The following ELMO1 variants were observed in gnomAD, a reference collection of about 807,000 sequenced individuals.
ELMO1 encodes the protein engulfment and cell motility 1.
In ELMO1, 26 loss-of-function variants were observed where a neutral mutation model predicts 98.9. The observed-to-expected ratio is 0.26, with a 90% CI of 0.19 to 0.36. The LOEUF (loss-of-function observed/expected upper bound fraction) is 0.36. Among genes scored for constraint, ELMO1 ranks in the 10% least tolerant of loss-of-function variants. The pLI is 1.00. For missense variants in ELMO1, 627 were observed against 935.2 expected, an observed-to-expected ratio of 0.67 and a Z score of 4.30; for synonymous variants, 346 against 346.0, an observed-to-expected ratio of 1.00 and a Z score of 0.00.
At chr7:37,069,774 A>G (rs1797173781) in intron 15 of ELMO1, among the ~76,000 whole-genome samples, 1 of 152,222 alleles carries the variant, frequency 6.6e-6, no homozygotes, top group Non-Finnish European at 1.5e-5. Context: ...TGACTTAAAA[A>G]TTAAGAATTG....
chr7:37,220,771 T>C (rs1793547430), intron 10 of ELMO1, among the ~76,000 whole-genome samples: 1 of 152,048 alleles, frequency 6.6e-6, no homozygotes, highest in South Asian at 2.1e-4. Context: ...GCCTTTAGAG[T>C]GGGCATGAAC....
chr7:37,088,095 C>G (rs1290982015), intron 15 of ELMO1, among the ~76,000 whole-genome samples: 1 of 152,178 alleles, frequency 6.6e-6, no homozygotes, highest in Non-Finnish European at 1.5e-5. Context: ...ACCTCTTAGC[C>G]ATGACCTCTA....
intron 13 of ELMO1, among the ~76,000 whole-genome samples, chr7:37,199,836 G>T (rs1792182473): frequency 6.6e-6 from 1 of 152,154 alleles, no homozygotes; most frequent in Non-Finnish European, 1.5e-5. Context: ...TTCTAAGTGG[G>T]AGTTCTTGAT....
intron 2 of ELMO1, among the ~76,000 whole-genome samples, chr7:37,331,333 C>CTTTTTTTGTTTTTTTT (rs1800101191): frequency 3.5e-5 from 1 of 28,716 alleles, no homozygotes. Context: ...CCACGCCTGG[C>CTTTTTTTGTTTTTTTT]TTTTTTTTTT....
At chr7:37,444,159 A>G (rs1805519664) in intron 1 of ELMO1, among the ~76,000 whole-genome samples, 1 of 152,148 alleles carries the variant, frequency 6.6e-6, no homozygotes, top group Non-Finnish European at 1.5e-5. Context: ...AGCCAATCCA[A>G]GCCCAGGTCA....
At chr7:37,187,290 C>T (rs1006080173) in intron 13 of ELMO1, among the ~76,000 whole-genome samples, 4 of 152,012 alleles carry the variant, frequency 2.6e-5, no homozygotes, top group African/African-American at 7.2e-5. Context: ...TAATTGGTTG[C>T]CTGGGGCTGG....
upstream of ELMO1, chr7:37,449,123 T>C (rs1805791617): frequency 6.6e-6 from 1 of 152,276 alleles, no homozygotes; most frequent in African/African-American, 2.4e-5. Context: ...GCCCACGACT[T>C]TTTGAAGTCC....
At chr7:36,912,361 C>T (rs1235870113) in intron 16 of ELMO1, among the ~76,000 whole-genome samples, 1 of 152,158 alleles carries the variant, frequency 6.6e-6, no homozygotes, top group Non-Finnish European at 1.5e-5. Context: ...TTAAGGAATG[C>T]CCATGCTTAG....
At position 36,861,798 on chromosome 7, in the gene ELMO1, C is replaced by A. The variant is rs969579229; in HGVS notation, c.1906-62G>T. On this transcript the variant is annotated intron_variant, in intron 20 of 21. Transcript: ENST00000310758. ...ATCGGCACATTTCATTTTGCAGTTG[C>A]AAATGGCTGCACATTGACCATGGCA... 10 of 1,493,264 alleles carry A rather than the reference C, an allele frequency of 6.7e-6. No individual in the cohort carries two copies. In the Admixed American group the frequency reaches 1.5e-4, roughly 22 times the overall value. 92.5% of individuals were successfully genotyped at this position (1,493,264 alleles called of 1,614,324 possible). A position where few individuals can be genotyped will look rare whatever the true frequency, so the allele number is the denominator to read the frequency against.
intron 16 of ELMO1, among the ~76,000 whole-genome samples, chr7:37,011,345 G>A (rs1793541323): frequency 6.6e-6 from 1 of 152,090 alleles, no homozygotes; most frequent in African/African-American, 2.4e-5. Flanking sequence ...CACCAGCTGT[G>A]CCCACCTCCT....
chr7:37,336,222 C>T (rs527525834), intron 2 of ELMO1, among the ~76,000 whole-genome samples: 9 of 150,822 alleles, frequency 6.0e-5, no homozygotes, highest in African/African-American at 2.2e-4. Flanking sequence ...TGAGACCCTG[C>T]GTCAAGGAAA....
intron 16 of ELMO1, among the ~76,000 whole-genome samples, chr7:36,965,833 G>A (rs904767359): frequency 1.3e-5 from 2 of 152,114 alleles, no homozygotes; most frequent in African/African-American, 4.8e-5. Context: ...ACATCCGCCT[G>A]TATGATGTCA....
intron 14 of ELMO1, among the ~76,000 whole-genome samples, chr7:37,115,750 T>C (rs1265374700): frequency 8.6e-6 from 1 of 116,506 alleles, no homozygotes; most frequent in South Asian, 2.6e-4. Context: ...GCTAGTGCAA[T>C]AAGAAAAAAA....
chr7:37,118,918 T>A (rs1366778221), intron 14 of ELMO1, among the ~76,000 whole-genome samples: 1 of 152,224 alleles, frequency 6.6e-6, no homozygotes, highest in Non-Finnish European at 1.5e-5. Context: ...CACCTCCATA[T>A]GAATCTATAA....
At chr7:37,192,756 C>G (rs1403668311) in intron 13 of ELMO1, among the ~76,000 whole-genome samples, 4 of 143,606 alleles carry the variant, frequency 2.8e-5, no homozygotes, top group Non-Finnish European at 6.0e-5. Context: ...CAGGATTGCA[C>G]CACCGCACTC....
At position 37,020,697 on chromosome 7, in the gene ELMO1, G is replaced by C. The variant is rs1025040507; in HGVS notation, c.1301-7262C>G. 2.0e-5 allele frequency among the ~76,000 whole-genome samples: 3 copies of C among 152,190 alleles called. No homozygotes were observed. The East Asian group carries it at 5.8e-4, about 29-fold the overall frequency. On this transcript the variant is annotated intron_variant, in intron 15 of 21. Transcript: ENST00000310758. The stretch of plus-strand genomic sequence containing the variant: ...ACTCTGAACCCATTTACAAATAACA[G>C]AGATTTGGGAGCACTGGGCAAATAT...
At chr7:37,302,588 A>T (rs2131030021) in intron 4 of ELMO1, among the ~76,000 whole-genome samples, 1 of 152,214 alleles carries the variant, frequency 6.6e-6, no homozygotes, top group African/African-American at 2.4e-5. Context: ...GAAGCCAGAC[A>T]TGAGTGAAGA....
chr7:37,116,555 T>G (rs1468401915), intron 14 of ELMO1, among the ~76,000 whole-genome samples: 1 of 152,094 alleles, frequency 6.6e-6, no homozygotes, highest in Non-Finnish European at 1.5e-5. Context: ...ACCTTTCAAT[T>G]CACATTAGAC....
At chr7:37,379,962 A>C (rs1212222027) in intron 1 of ELMO1, among the ~76,000 whole-genome samples, 3 of 152,186 alleles carry the variant, frequency 2.0e-5, no homozygotes, top group Admixed American at 2.0e-4. Flanking sequence ...TTAATTCTAA[A>C]ACTATGCCCC....
Sources: allele counts gnomAD v4.1 joint callset (sites outside exome capture counted in the v4.1 genomes callset), GRCh38; gene constraint gnomAD v4.1.1; transcripts MANE v1.5; gene names NCBI Gene and HGNC (gene_info 2026-07-23, HGNC 2026-07-21).